Variants in TTLL9 observed in about 807,000 individuals in gnomAD.
TTLL9 encodes the protein tubulin tyrosine ligase like 9.
In TTLL9, 47 loss-of-function variants were observed where a neutral mutation model predicts 65.6. The observed-to-expected ratio is 0.72, with a 90% confidence interval of 0.57 to 0.91. The LOEUF is 0.91. TTLL9 is among the 40% of genes least tolerant of loss of function. The pLI is 0.00. For synonymous variants in TTLL9, 179 were observed against 204.8 expected (o/e 0.87, Z 1.07); for missense variants, 537 against 568.8 (o/e 0.94, Z 0.57).
chr20:31,878,011 T>A (rs1267643724), intron 2 of TTLL9, among the ~76,000 whole-genome samples: 1 of 152,226 alleles, frequency 6.6e-6, no homozygotes, highest in African/African-American at 2.4e-5. Context: ...TGCTGTATTT[T>A]TAGAGTCAAG....
At chr20:31,900,878 G>A (rs1230469672) in intron 4 of TTLL9, among the ~76,000 whole-genome samples, 2 of 152,214 alleles carry the variant, frequency 1.3e-5, no homozygotes, top group Non-Finnish European at 2.9e-5. Context: ...TCAATGGGCA[G>A]GGGAAGAGAG....
At chr20:31,926,429 A>T (rs1380772807) in intron 10 of TTLL9, among the ~76,000 whole-genome samples, 1 of 152,224 alleles carries the variant, frequency 6.6e-6, no homozygotes, top group Non-Finnish European at 1.5e-5. Context: ...GAGAATACAT[A>T]CGTTGCTGGC....
chr20:31,872,447 C>T (rs1181414200), intron 2 of TTLL9, among the ~76,000 whole-genome samples: 1 of 149,976 alleles, frequency 6.7e-6, no homozygotes, highest in Non-Finnish European at 1.5e-5. Flanking sequence ...GAGGCCAAGG[C>T]AGGAGGACTG....
At chr20:31,921,994 C>T (rs1325875003) in intron 7 of TTLL9, among the ~76,000 whole-genome samples, 1 of 151,880 alleles carries the variant, frequency 6.6e-6, no homozygotes, top group South Asian at 2.1e-4. Context: ...GTGGGTCGGG[C>T]GTGGTGGCTC....
At chr20:31,907,415 A>T (rs902657922) in intron 4 of TTLL9, among the ~76,000 whole-genome samples, 4 of 152,180 alleles carry the variant, frequency 2.6e-5, no homozygotes, top group African/African-American at 9.6e-5. Context: ...ACATATATAC[A>T]TGATGAAACT....
chr20:31,896,625 A>G (rs369509475), intron 3 of TTLL9, among the ~76,000 whole-genome samples: 1 of 151,420 alleles, frequency 6.6e-6, no homozygotes, highest in Non-Finnish European at 1.5e-5. Flanking sequence ...TGCCTCCCCA[A>G]TTCAAGCGAT....
chr20:31,902,417 G>C (rs185036617), intron 4 of TTLL9, among the ~76,000 whole-genome samples: 2 of 152,234 alleles, frequency 1.3e-5, no homozygotes, highest in African/African-American at 4.8e-5. Context: ...GTCTCGCTGT[G>C]TCGCCCAGGC....
chr20:31,889,193 A>G (rs1431635791), intron 3 of TTLL9, among the ~76,000 whole-genome samples: 1 of 152,228 alleles, frequency 6.6e-6, no homozygotes, highest in Admixed American at 6.5e-5. Flanking sequence ...TTTATTCACA[A>G]AGAGTGAAGA....
Position 31,943,216 on chromosome 20 carries a change from T to A in TTLL9, c.*195T>A, listed in dbSNP as rs985967235. The A allele has an allele frequency of 3.3e-6, 2 of 611,016 alleles. No homozygotes were observed. The highest frequency in any genetic ancestry group is 5.9e-6 in the Non-Finnish European group (2 of 341,484). 37.8% of individuals were successfully genotyped at this position (611,016 alleles called of 1,614,324 possible). ...ACCTCCAGCCCATCCCCAGGCATCTTTGCACCAGGAGACAGCCAATCACTG... is the reference window on the plus strand; with the variant it reads ...ACCTCCAGCCCATCCCCAGGCATCTATGCACCAGGAGACAGCCAATCACTG... On this transcript the variant is annotated 3_prime_UTR_variant, in exon 15 of 15. Transcript: ENST00000535842.
chr20:31,872,274 C>A (rs890220329), intron 2 of TTLL9, among the ~76,000 whole-genome samples: 1 of 152,160 alleles, frequency 6.6e-6, no homozygotes, highest in African/African-American at 2.4e-5. Flanking sequence ...GAAAGCCAGG[C>A]GCAGTGGCTC....
chr20:31,938,747 G>A (rs1191133293), intron 13 of TTLL9, among the ~76,000 whole-genome samples: 3 of 152,150 alleles, frequency 2.0e-5, no homozygotes, highest in Non-Finnish European at 4.4e-5. Context: ...GTGTGGTGGT[G>A]TGCGCCTGTA....
intron 3 of TTLL9, among the ~76,000 whole-genome samples, chr20:31,894,495 A>G (rs752351732): frequency 1.6e-5 from 2 of 127,172 alleles, no homozygotes; most frequent in South Asian, 4.5e-4. Context: ...TTCTTCTCTA[A>G]TGATTCTGAT....
chr20:31,887,846 A>AACTCC, intron 3 of TTLL9, among the ~76,000 whole-genome samples: 1 of 49,658 alleles, frequency 2.0e-5, no homozygotes, highest in Non-Finnish European at 4.1e-5. Flanking sequence ...TTCATTAGAT[A>AACTCC]TCTCCTCTCC....
intron 5 of TTLL9, 40 bp downstream of exon 5, chr20:31,908,742 A>C: frequency 1.4e-5 from 21 of 1,483,418 alleles, no homozygotes; most frequent in East Asian, 2.3e-5. Flanking sequence ...CAACCAACTC[A>C]TGTCACTGGG....
chr20:31,893,347 A>G (rs1298929851), intron 3 of TTLL9, among the ~76,000 whole-genome samples: 7 of 146,906 alleles, frequency 4.8e-5, no homozygotes, highest in South Asian at 2.1e-4. Context: ...CTGGAGTGCA[A>G]TGGTGCAATC....
In TTLL9 at chr20:31,879,307, C is replaced by A. The variant is rs911682468; in HGVS notation, c.70-7889C>A. Among the ~76,000 whole-genome samples, 3 of 152,146 alleles carry A rather than the reference C, an allele frequency of 2.0e-5. No individual in the cohort carries two copies. The East Asian group carries it at 5.8e-4, about 29-fold the overall frequency. ...ATGCACTCCAACCTGGGCGACACAG[C>A]GAGACTCCGTCTCAAACAAACAAAC... On this transcript the variant is annotated intron_variant, in intron 2 of 14. Transcript: ENST00000535842.
At chr20:31,941,570 T>A (rs557937319) in intron 14 of TTLL9, among the ~76,000 whole-genome samples, 8 of 152,130 alleles carry the variant, frequency 5.3e-5, no homozygotes, top group South Asian at 2.1e-4. Flanking sequence ...TTTTATTATT[T>A]TTTTTTGAGA....
chr20:31,897,980 G>A (rs2063409886), intron 3 of TTLL9, among the ~76,000 whole-genome samples: 1 of 152,134 alleles, frequency 6.6e-6, no homozygotes, highest in Admixed American at 6.6e-5. Flanking sequence ...TGAACTATAT[G>A]AGACAAAAAG....
intron 14 of TTLL9, chr20:31,939,608 T>C (rs1049980268): frequency 1.3e-4 from 23 of 172,066 alleles, no homozygotes; most frequent in African/African-American, 5.5e-4. Flanking sequence ...CTTTTTCTTT[T>C]ATAAAATTGG....
Sources: gnomAD v4.1 joint callset for allele counts (sites outside exome capture counted in the v4.1 genomes callset) on GRCh38, gnomAD v4.1.1 for gene constraint, MANE v1.5 for transcripts, NCBI Gene and HGNC (gene_info 2026-07-23, HGNC 2026-07-21) for gene names.